Variants in GRIA1 observed in about 807,000 individuals in gnomAD.
The protein encoded by GRIA1 is glutamate receptor 1.
A neutral mutation model predicts 99.2 loss-of-function variants in GRIA1; 31 were observed. The ratio of observed to expected loss-of-function variants is 0.31; its 90% CI spans 0.23 to 0.42. The LOEUF is 0.42. Ranked by LOEUF, GRIA1 falls within the 10% of genes least tolerant of loss-of-function variation. GRIA1 has a pLI of 1.00. For missense variants in GRIA1, 782 were observed against 1,157.5 expected (o/e 0.68, Z 4.71); for synonymous variants, 438 against 432.4 (o/e 1.01, Z -0.16).
chr5:153,737,316 G>A lies in GRIA1; in HGVS notation c.1824-27118G>A, dbSNP rs760511705. On this transcript the variant is annotated intron_variant, in intron 11 of 15. Coordinates refer to ENST00000285900, the MANE Select transcript of GRIA1 (RefSeq NM_000827.4). ...AAAAAAAAAAAAAAAAAAAAAAAAA[G>A]GGATACTCCATTTTTCCACATATGA... Among the ~76,000 whole-genome samples the A allele has an allele frequency of 6.7e-3, 891 of 133,060 alleles. 2 individuals are homozygous for A. The highest frequency in any genetic ancestry group is 0.011 in the Non-Finnish European group (686 of 62,246). 87.3% of individuals were successfully genotyped at this position (133,060 alleles called of 152,430 possible). A position where few individuals can be genotyped will look rare whatever the true frequency, so the allele number is the denominator to read the frequency against.
chr5:153,612,415 T>C (rs910179705), intron 2 of GRIA1, among the ~76,000 whole-genome samples: 1 of 152,246 alleles, frequency 6.6e-6, no homozygotes, highest in African/African-American at 2.4e-5. Context: ...GCACATAAAT[T>C]CCAGAAGGCT....
chr5:153,617,523 G>C (rs1766618277), intron 2 of GRIA1, among the ~76,000 whole-genome samples: 1 of 152,204 alleles, frequency 6.6e-6, no homozygotes, highest in African/African-American at 2.4e-5. Flanking sequence ...TGCTAGGGTT[G>C]TACAGCTTGA....
At chr5:153,631,779 G>C (rs1167991330) in intron 2 of GRIA1, among the ~76,000 whole-genome samples, 3 of 152,146 alleles carry the variant, frequency 2.0e-5, no homozygotes, top group Non-Finnish European at 4.4e-5. Flanking sequence ...TTAAGACTTT[G>C]AGTAAAGTTC....
chr5:153,595,842 C>T (rs1764384031), intron 2 of GRIA1, among the ~76,000 whole-genome samples: 1 of 150,842 alleles, frequency 6.6e-6, no homozygotes, highest in Non-Finnish European at 1.5e-5. Flanking sequence ...AAGTGCTAGA[C>T]ACAGAATGCT....
intron 2 of GRIA1, among the ~76,000 whole-genome samples, chr5:153,621,529 T>C (rs1269043062): frequency 6.6e-6 from 1 of 152,112 alleles, no homozygotes; most frequent in Non-Finnish European, 1.5e-5. Context: ...AGAAACCATG[T>C]GGTATCATGG....
intron 10 of GRIA1, among the ~76,000 whole-genome samples, chr5:153,699,577 C>T (rs1054841816): frequency 6.6e-6 from 1 of 152,198 alleles, no homozygotes; most frequent in African/African-American, 2.4e-5. Flanking sequence ...TCCTTCAAAA[C>T]CTATATCAAA....
intron 7 of GRIA1, among the ~76,000 whole-genome samples, chr5:153,683,104 G>A (rs1402634534): frequency 4.6e-5 from 7 of 152,202 alleles, no homozygotes; most frequent in African/African-American, 1.7e-4. Context: ...TGGGATGGGG[G>A]GAGAGAGGGA....
At chr5:153,778,651 CCA>C (rs57534899) in intron 13 of GRIA1, among the ~76,000 whole-genome samples, 9,088 of 147,016 alleles carry the variant, frequency 0.062, 560 homozygotes, top group African/African-American at 0.16. Flanking sequence ...TCACCCCCCA[CCA>C]CACACACACA....
chr5:153,491,378 TACATATGC>T, intron 1 of GRIA1: 1 of 844,484 alleles, frequency 1.2e-6, no homozygotes, highest in Non-Finnish European at 1.5e-6. Context: ...GATTATATAT[TACATATGC>T]ACATATATAT....
At chr5:153,724,550 A>C (rs1760353832) in intron 11 of GRIA1, among the ~76,000 whole-genome samples, 1 of 152,376 alleles carries the variant, frequency 6.6e-6, no homozygotes, top group Admixed American at 6.5e-5. Flanking sequence ...AGAAGTGCTC[A>C]AAGGAGCTGA....
intron 2 of GRIA1, among the ~76,000 whole-genome samples, chr5:153,553,169 A>C (rs1285542824): frequency 6.6e-6 from 1 of 152,214 alleles, no homozygotes; most frequent in East Asian, 1.9e-4. Context: ...TTCTTAACTA[A>C]AAGAGAAAGA....
chr5:153,812,577 C>T lies in GRIA1; in HGVS notation c.*1352C>T, dbSNP rs1412266445. ...AATGACATTTAGGGCAACTTAAGAC[C>T]TTTGATCCCAGGTTCTAACTCAAAG... On this transcript the variant is annotated 3_prime_UTR_variant, in exon 16 of 16. Transcript: ENST00000285900. The T allele has an allele frequency of 6.6e-6, 1 of 152,140 alleles. No homozygotes were observed. Among genetic ancestry groups the T allele is most frequent in the Non-Finnish European group, 1.5e-5 (1 of 68,040 alleles). The allele number at this position is 152,140 out of a possible 1,614,324, so 9.4% of individuals were successfully genotyped here.
At chr5:153,571,715 C>A (rs752922783) in intron 2 of GRIA1, among the ~76,000 whole-genome samples, 1 of 152,076 alleles carries the variant, frequency 6.6e-6, no homozygotes, top group Non-Finnish European at 1.5e-5. Context: ...CTAACACCAT[C>A]AAATTTACAT....
chr5:153,747,350 G>C (rs960725003), intron 11 of GRIA1, among the ~76,000 whole-genome samples: 5 of 152,118 alleles, frequency 3.3e-5, no homozygotes, highest in Non-Finnish European at 5.9e-5. Context: ...TTACCATAGG[G>C]AGGGCACCAA....
rs569263445 is a variant in GRIA1, at chr5:153,673,269, G to A, written c.700-1231G>A. 8.5e-5 allele frequency among the ~76,000 whole-genome samples: 13 copies of A among 152,254 alleles called. No individual in the cohort carries two copies. The South Asian group carries it at 1.5e-3, about 17-fold the overall frequency. On this transcript the variant is annotated intron_variant, in intron 5 of 15. Transcript: ENST00000285900. ...CCCTAAGCCAAGACCACCTCCTTGC[G>A]GAGGCTCATCCTCATCACTCCTTCC...
intron 2 of GRIA1, among the ~76,000 whole-genome samples, chr5:153,606,288 G>T (rs1238214294): frequency 6.6e-6 from 1 of 152,032 alleles, no homozygotes; most frequent in Non-Finnish European, 1.5e-5. Context: ...TGTTCCACTG[G>T]TTTGTTTATT....
chr5:153,641,235 C>T (rs1482988912), intron 2 of GRIA1, among the ~76,000 whole-genome samples: 1 of 152,056 alleles, frequency 6.6e-6, no homozygotes, highest in Non-Finnish European at 1.5e-5. Context: ...GCCACATTCC[C>T]AGGGACAGGA....
intron 5 of GRIA1, among the ~76,000 whole-genome samples, chr5:153,665,116 C>A (rs1382875317): frequency 2.0e-5 from 3 of 152,210 alleles, no homozygotes; most frequent in South Asian, 2.1e-4. Context: ...CTCTGGAAGA[C>A]CAACTATTCC....
chr5:153,800,389 T>G (rs768700138), intron 14 of GRIA1, among the ~76,000 whole-genome samples: 7 of 152,222 alleles, frequency 4.6e-5, no homozygotes, highest in African/African-American at 9.6e-5. Flanking sequence ...GGGAGACATT[T>G]TGAGTGTTCT....
Sources: allele counts gnomAD v4.1 joint callset (sites outside exome capture counted in the v4.1 genomes callset), GRCh38; gene constraint gnomAD v4.1.1; transcripts MANE v1.5; gene names NCBI Gene and HGNC (gene_info 2026-07-23, HGNC 2026-07-21).